The following ATF6 variants were observed in gnomAD, a reference collection of about 807,000 sequenced individuals.
ATF6 encodes activating transcription factor 6, also known as cyclic AMP-dependent transcription factor ATF-6 alpha.
In ATF6, 53 loss-of-function variants were observed where a neutral mutation model predicts 83.6. The ratio of observed to expected loss-of-function variants is 0.63; its 90% CI spans 0.51 to 0.80. The LOEUF is 0.80. Among genes scored for constraint, ATF6 ranks in the 30% least tolerant of loss-of-function variants. ATF6 has a pLI of 0.00. For missense variants in ATF6, 744 were observed against 797.9 expected (o/e 0.93, Z 0.81); for synonymous variants, 288 against 285.8 (o/e 1.01, Z -0.08).
intron 12 of ATF6, among the ~76,000 whole-genome samples, chr1:161,855,082 A>C (rs557770435): frequency 4.6e-5 from 7 of 152,222 alleles, no homozygotes; most frequent in South Asian, 2.1e-4. Flanking sequence ...GGGTTTCATC[A>C]TGGGTTTGAG....
Position 161,953,870 on chromosome 1 carries a change from A to G in ATF6, c.1805-4576A>G, listed in dbSNP as rs377405613. On this transcript the variant is annotated intron_variant, in intron 15 of 15. Coordinates refer to ENST00000367942, the MANE Select transcript of ATF6 (RefSeq NM_007348.4). ...TTGCCAGGCACTTCTTAAGGGAGCC[A>G]AACTTCATTTCTAAAAGTATTTTAA... Among the ~76,000 whole-genome samples the G allele has an allele frequency of 9.8e-5, 15 of 152,318 alleles. 2 individuals carry two copies. Among genetic ancestry groups the G allele is most frequent in the Admixed American group, 9.1e-4 (14 of 15,302 alleles).
At chr1:161,864,384 T>C (rs1469044328) in intron 14 of ATF6, among the ~76,000 whole-genome samples, 1 of 152,176 alleles carries the variant, frequency 6.6e-6, no homozygotes, top group Non-Finnish European at 1.5e-5. Context: ...TTTGGAGTTA[T>C]ACAGGCGGCT....
At chr1:161,801,232 A>G (rs1273442859) in intron 6 of ATF6, among the ~76,000 whole-genome samples, 1 of 152,066 alleles carries the variant, frequency 6.6e-6, no homozygotes, top group Admixed American at 6.6e-5. Flanking sequence ...ATTGAAGGCC[A>G]TTTTTGGGGG....
chr1:161,898,558 T>A (rs953199073), intron 14 of ATF6, among the ~76,000 whole-genome samples: 2 of 151,980 alleles, frequency 1.3e-5, no homozygotes, highest in Non-Finnish European at 1.5e-5. Flanking sequence ...TGTTTTTGTT[T>A]TTTTTTTGAG....
intron 14 of ATF6, among the ~76,000 whole-genome samples, chr1:161,867,244 G>A (rs1346528329): frequency 2.6e-5 from 4 of 151,886 alleles, no homozygotes; most frequent in Non-Finnish European, 5.9e-5. Flanking sequence ...GCAGTGAGCC[G>A]AGATCGCGCC....
chr1:161,907,086 G>A (rs1687891593), intron 14 of ATF6, among the ~76,000 whole-genome samples: 1 of 152,090 alleles, frequency 6.6e-6, no homozygotes, highest in Non-Finnish European at 1.5e-5. Context: ...TAATGAATGA[G>A]CACATTTGGT....
Position 161,766,411 on chromosome 1 carries a change from G to A in ATF6, c.51G>A (p.Pro17=), listed in dbSNP as rs1464347374. ...GCACCATGGAGTCACCTTTTAGCCC[G>A]GGACTCTTTCACAGGCTGGATGAAG... is the stretch of plus-strand genomic sequence containing the variant. ...VAGTMESPFS[P]GLFHRLDEDW... Residue 17 remains proline (P), a synonymous_variant, in exon 1 of 16, where the codon CCG becomes CCA. Transcript: ENST00000367942. 4 of 1,613,528 alleles carry A rather than the reference G, an allele frequency of 2.5e-6. No individual in the cohort carries two copies. The South Asian group carries it at 3.3e-5, about 13-fold the overall frequency.
At chr1:161,857,930 A>G (rs1486823825) in intron 12 of ATF6, among the ~76,000 whole-genome samples, 2 of 152,168 alleles carry the variant, frequency 1.3e-5, no homozygotes, top group Non-Finnish European at 2.9e-5. Context: ...AGCAACTACT[A>G]AAAGCTAACA....
At chr1:161,775,986 G>A (rs1367273781) in intron 1 of ATF6, among the ~76,000 whole-genome samples, 3 of 151,830 alleles carry the variant, frequency 2.0e-5, no homozygotes, top group Non-Finnish European at 4.4e-5. Context: ...TACTTCCACA[G>A]CTATCTGTAT....
chr1:161,910,183 G>A (rs1316280674), intron 14 of ATF6, among the ~76,000 whole-genome samples: 1 of 152,082 alleles, frequency 6.6e-6, no homozygotes, highest in Middle Eastern at 3.2e-3. Context: ...CAGATATATA[G>A]ATAAGATAGA....
intron 1 of ATF6, among the ~76,000 whole-genome samples, chr1:161,772,527 T>C (rs1026791128): frequency 6.6e-6 from 1 of 152,212 alleles, no homozygotes; most frequent in East Asian, 1.9e-4. Flanking sequence ...ACATGTTTGC[T>C]TTCTCTTTTG....
intron 7 of ATF6, among the ~76,000 whole-genome samples, chr1:161,813,095 A>G (rs575331849): frequency 6.6e-6 from 1 of 152,176 alleles, no homozygotes; most frequent in African/African-American, 2.4e-5. Flanking sequence ...GGGAAAAGAA[A>G]AAAGAAAAAA....
intron 9 of ATF6, among the ~76,000 whole-genome samples, chr1:161,826,931 A>ATT (rs11376981): frequency 0.19 from 25,118 of 129,622 alleles, 3,377 homozygotes; most frequent in East Asian, 0.34. Context: ...GATTGGCCCC[A>ATT]TTTTTTTTTT....
Position 161,851,808 on chromosome 1 carries a change from C to T in ATF6, c.1406C>T (p.Pro469Leu). 6.2e-7 allele frequency: 1 copy of T among 1,613,414 alleles called. No homozygotes were observed. Among genetic ancestry groups the T allele is most frequent in the East Asian group, 2.2e-5 (1 of 44,852 alleles). The change falls in exon 11 of 16, where the codon CCC becomes CTC. Residue 469 changes from proline (P) to leucine (L), a missense_variant. Pro to Leu is a moderately conservative substitution (Grantham distance 98). Coordinates refer to ENST00000367942, the MANE Select transcript of ATF6 (RefSeq NM_007348.4). ...TACATTCCTCCACCTCCTTGTCAGCCCCTAATTAACACAACAGAGTCTCTC... is the reference window on the plus strand; with the variant it reads ...TACATTCCTCCACCTCCTTGTCAGCTCCTAATTAACACAACAGAGTCTCTC... ...LLYIPPPPCQ[P>L]LINTTESLRL...
chr1:161,900,044 C>T (rs1687751126), intron 14 of ATF6, among the ~76,000 whole-genome samples: 1 of 150,954 alleles, frequency 6.6e-6, no homozygotes, highest in Non-Finnish European at 1.5e-5. Context: ...ATAACTTTTG[C>T]TTCACAAACA....
At position 161,792,585 on chromosome 1, in the gene ATF6, A is replaced by G. The variant is rs1039404450; in HGVS notation, c.688+258A>G. Among the ~76,000 whole-genome samples, 3 of 152,272 alleles carry G rather than the reference A, an allele frequency of 2.0e-5. No individual in the cohort carries two copies. The South Asian group carries it at 6.2e-4, about 32-fold the overall frequency. ...TCTTGGTGCCATTTTATTCTGGTGG[A>G]TAAAATACAGGAACACAAATTTTAA... On this transcript the variant is annotated intron_variant, in intron 6 of 15. Coordinates refer to ENST00000367942, the MANE Select transcript of ATF6 (RefSeq NM_007348.4).
At chr1:161,861,021 A>T (rs1686874923) in intron 13 of ATF6, among the ~76,000 whole-genome samples, 1 of 152,170 alleles carries the variant, frequency 6.6e-6, no homozygotes. Flanking sequence ...ATTACATGCA[A>T]TTGAAGTTTT....
intron 12 of ATF6, among the ~76,000 whole-genome samples, chr1:161,859,590 C>T (rs535701678): frequency 7.9e-5 from 12 of 152,200 alleles, no homozygotes; most frequent in African/African-American, 2.6e-4. Flanking sequence ...CCTGACAAAC[C>T]GCTTCTGAAA....
intron 9 of ATF6, among the ~76,000 whole-genome samples, chr1:161,839,227 A>C (rs1370941003): frequency 6.6e-6 from 1 of 152,226 alleles, no homozygotes; most frequent in East Asian, 1.9e-4. Flanking sequence ...CTTAGCTTAC[A>C]TTCTAACAAG....
Sources: allele counts gnomAD v4.1 joint callset (sites outside exome capture counted in the v4.1 genomes callset), GRCh38; gene constraint gnomAD v4.1.1; transcripts MANE v1.5; gene names NCBI Gene and HGNC (gene_info 2026-07-23, HGNC 2026-07-21).